Variants in DCAF11 observed in about 807,000 individuals in gnomAD.
The protein encoded by DCAF11 is DDB1 and CUL4 associated factor 11, also known as DDB1- and CUL4-associated factor 11.
A neutral mutation model predicts 76.1 loss-of-function variants in DCAF11; 44 were observed. That is an observed-to-expected ratio of 0.58 (90% CI 0.45 to 0.74). The LOEUF (loss-of-function observed/expected upper bound fraction) is 0.74. Among genes scored for constraint, DCAF11 ranks in the 30% least tolerant of loss-of-function variants. The pLI is 0.00. For missense variants in DCAF11, 604 were observed against 709.4 expected, an observed-to-expected ratio of 0.85 and a Z score of 1.69; for synonymous variants, 258 against 255.0, an observed-to-expected ratio of 1.01 and a Z score of -0.11.
In DCAF11 at chr14:24,114,807, G is replaced by A. The variant is rs2037501047; in HGVS notation, c.-700G>A. ...ACGTTTGCAGCCCGCCGGCCAGGAA[G>A]CCGCGAGATGCGTGACGAGCGAAGC... On this transcript the variant is annotated 5_prime_UTR_variant, in exon 1 of 15. Transcript: ENST00000446197. 3.0e-6 allele frequency: 3 copies of A among 985,864 alleles called. No individual in the cohort carries two copies. The South Asian group carries it at 1.4e-4, about 46-fold the overall frequency. The allele number at this position is 985,864 out of a possible 1,614,324, so 61.1% of individuals were successfully genotyped here.
In DCAF11 at chr14:24,123,153, C is replaced by G. The variant is rs1330138663; in HGVS notation, c.1507-22C>G. 4 of 1,613,766 alleles carry G rather than the reference C, an allele frequency of 2.5e-6. No individual in the cohort carries two copies. The African/African-American group carries it at 5.3e-5, about 22-fold the overall frequency. ...GGGTGGGGGCAGCACATCCTGACTG[C>G]TTGCCACCCTCTGCCCTGCAGTGGG... is the stretch of plus-strand genomic sequence containing the variant. On this transcript the variant is annotated intron_variant, in intron 14 of 14. Transcript: ENST00000446197.
At position 24,117,865 on chromosome 14, in the gene DCAF11, A is replaced by G; in HGVS notation, c.476+133A>G. The G allele has an allele frequency of 1.9e-6, 2 of 1,046,632 alleles. No individual in the cohort carries two copies. The highest frequency in any genetic ancestry group is 2.8e-6 in the Non-Finnish European group (2 of 712,148). 64.8% of individuals were successfully genotyped at this position (1,046,632 alleles called of 1,614,324 possible). A position where few individuals can be genotyped will look rare whatever the true frequency, so the allele number is the denominator to read the frequency against. Reference sequence around the variant, plus strand: ...TAAATGGGGTTGAAACTTTGAGAGTAAACAAAGTAGAAAAGTGTAGAAAAT... The same window carrying G: ...TAAATGGGGTTGAAACTTTGAGAGTGAACAAAGTAGAAAAGTGTAGAAAAT... On this transcript the variant is annotated intron_variant, in intron 5 of 14. Transcript: ENST00000446197. The surrounding 1 kb of genome is among the most constrained non-coding windows in gnomAD (Gnocchi z 4.3).
In DCAF11 at chr14:24,123,370, T is replaced by C. The variant is rs1217911150; in HGVS notation, c.*61T>C. Reference sequence around the variant, plus strand: ...GATAAGCTCTCTGCCTCCTCCTCCCTTTCTCCCTTGTGGGGAATGTTTGGA... The same window carrying C: ...GATAAGCTCTCTGCCTCCTCCTCCCCTTCTCCCTTGTGGGGAATGTTTGGA... On this transcript the variant is annotated 3_prime_UTR_variant, in exon 15 of 15. Coordinates refer to ENST00000446197, the MANE Select transcript of DCAF11 (RefSeq NM_025230.5). The C allele has an allele frequency of 6.7e-7, 1 of 1,497,536 alleles. No homozygotes were observed. The highest frequency in any genetic ancestry group is 2.3e-5 in the Admixed American group (1 of 42,840). 92.8% of individuals were successfully genotyped at this position (1,497,536 alleles called of 1,614,324 possible).
At chr14:24,122,501 A>G (rs891340096) in intron 13 of DCAF11, among the ~76,000 whole-genome samples, 12 of 151,642 alleles carry the variant, frequency 7.9e-5, no homozygotes, top group East Asian at 1.9e-4. Flanking sequence ...AAAAAAAAAA[A>G]AAAAAGAAAA....
In DCAF11 at chr14:24,121,474, C is replaced by T. The variant is rs372188342; in HGVS notation, c.1356C>T (p.Gly452=). The T allele has an allele frequency of 1.5e-5, 24 of 1,614,016 alleles. No homozygotes were observed. The highest frequency in any genetic ancestry group is 2.0e-5 in the Non-Finnish European group (24 of 1,180,042). ...RCRFSPIHST[G]QQFIYSGCST... ...GGTTCTCCCCCATTCATAGCACTGGCCAGCAGTTCATCTACAGTGGCTGCT... is the reference window on the plus strand; with the variant it reads ...GGTTCTCCCCCATTCATAGCACTGGTCAGCAGTTCATCTACAGTGGCTGCT... Residue 452 remains glycine (G), a synonymous_variant, in exon 13 of 15, where the codon GGC becomes GGT. Transcript: ENST00000446197.
intron 5 of DCAF11, 45 bp from the exon 6 acceptor site, chr14:24,118,010 T>A: frequency 7.3e-7 from 1 of 1,377,914 alleles, no homozygotes; most frequent in Non-Finnish European, 1.0e-6. Context: ...GGGACACTCC[T>A]TATCCTGAGC....
rs2139014850 is a variant in DCAF11, at chr14:24,118,084, A to T, written c.506A>T (p.Asp169Val). The T allele has an allele frequency of 6.2e-7, 1 of 1,612,428 alleles. No homozygotes were observed. Among genetic ancestry groups the T allele is most frequent in the Middle Eastern group, 1.7e-4 (1 of 6,052 alleles). ...TTGCCCAATGATCTGGGCTTCACTG[A>T]TAGCTACTCTCAGAAGGCTTTCTGT... ...HFLPNDLGFT[D>V]SYSQKAFCGI... The change falls in exon 6 of 15, where the codon GAT becomes GTT. Residue 169 changes from aspartate to valine, a missense_variant. Coordinates refer to ENST00000446197, the MANE Select transcript of DCAF11 (RefSeq NM_025230.5).
chr14:24,120,780 T>A, intron 11 of DCAF11, 58 bp from the exon 12 acceptor site: 4 of 1,597,788 alleles, frequency 2.5e-6, no homozygotes, highest in Non-Finnish European at 3.4e-6. Context: ...GGAACTAGAC[T>A]GACAGGCGCC....
chr14:24,120,582 TAAAAA>T (rs1163658008), intron 11 of DCAF11, among the ~76,000 whole-genome samples: 1 of 151,758 alleles, frequency 6.6e-6, no homozygotes, highest in Non-Finnish European at 1.5e-5. Context: ...AATTAAAAAT[TAAAAA>T]AAGAAAAATG....
At position 24,123,232 on chromosome 14, in the gene DCAF11, A is replaced by C; in HGVS notation, c.1564A>C (p.Met522Leu). Reference sequence around the variant, plus strand: ...CCAGGCTGAGTACTTCCAGGATGACATGCCAGAATCTGAGGAATGTGCCAG... The same window carrying C: ...CCAGGCTGAGTACTTCCAGGATGACCTGCCAGAATCTGAGGAATGTGCCAG... ...YRQAEYFQDD[M>L]PESEECASAP... The change falls in exon 15 of 15, where the codon ATG (methionine) becomes CTG (leucine). Residue 522 changes from methionine to leucine, a missense_variant. Physicochemically the swap from Met to Leu is conservative, Grantham distance 15. Coordinates refer to ENST00000446197, the MANE Select transcript of DCAF11 (RefSeq NM_025230.5). 1 of 1,579,492 alleles carries C rather than the reference A, an allele frequency of 6.3e-7. No homozygotes were observed. The highest frequency in any genetic ancestry group is 8.6e-7 in the Non-Finnish European group (1 of 1,161,078).
chr14:24,120,270 A>C (rs2037666484), intron 11 of DCAF11, among the ~76,000 whole-genome samples: 2 of 152,134 alleles, frequency 1.3e-5, no homozygotes, highest in Non-Finnish European at 2.9e-5. Context: ...AAAAAAAAAA[A>C]CTAAGGCCAG....
intron 13 of DCAF11, chr14:24,121,770 C>A: frequency 2.4e-6 from 1 of 418,242 alleles, no homozygotes; most frequent in Non-Finnish European, 4.3e-6. Flanking sequence ...TGTTTTTCAG[C>A]CAGTCAAGAA....
chr14:24,119,628 G>A lies in DCAF11; in HGVS notation c.906+12G>A. 1 of 1,614,202 alleles carries A rather than the reference G, an allele frequency of 6.2e-7. No individual in the cohort carries two copies. The highest frequency in any genetic ancestry group is 8.5e-7 in the Non-Finnish European group (1 of 1,180,036). Reference sequence around the variant, plus strand: ...GGCGCACCCTTCAGGTATGGCTCCTGAGATAGAGCCTCTGCCTCCTGGTTT... The same window carrying A: ...GGCGCACCCTTCAGGTATGGCTCCTAAGATAGAGCCTCTGCCTCCTGGTTT... On this transcript the variant is annotated intron_variant, in intron 10 of 14. Transcript: ENST00000446197.
At chr14:24,118,652 T>C in intron 7 of DCAF11, 98 bp from the exon 8 acceptor site, 2 of 1,593,474 alleles carry the variant, frequency 1.3e-6, no homozygotes, top group Non-Finnish European at 1.7e-6. Context: ...CCCAAAGTGC[T>C]CCAGTACCCT....
At position 24,118,128 on chromosome 14, in the gene DCAF11, G is replaced by A. The variant is rs1300034640; in HGVS notation, c.550G>A (p.Gly184Ser). Residue 184 changes from glycine (G) to serine (S), a missense_variant, in exon 6 of 15, where the codon GGT becomes AGT. Physicochemically the swap from Gly to Ser is moderately conservative, Grantham distance 56. Coordinates refer to ENST00000446197, the MANE Select transcript of DCAF11 (RefSeq NM_025230.5). ...KAFCGIYSKD[G>S]QIFMSACQDQ... ...TTTCTGTGGCATCTACAGCAAAGAT[G>A]GTCAAATATTCATGTCTGCTTGCCA... 6.2e-7 allele frequency: 1 copy of A among 1,613,050 alleles called. No individual in the cohort carries two copies. The highest frequency in any genetic ancestry group is 2.2e-5 in the East Asian group (1 of 44,892).
chr14:24,122,728 G>A, intron 13 of DCAF11, among the ~76,000 whole-genome samples: 1 of 152,242 alleles, frequency 6.6e-6, no homozygotes, highest in South Asian at 2.1e-4. Context: ...CTTAACTGTA[G>A]CCCCTATGAA....
chr14:24,118,021 A>T, intron 5 of DCAF11, 34 bp from the exon 6 acceptor site: 10 of 1,342,524 alleles, frequency 7.4e-6, no homozygotes, highest in Non-Finnish European at 1.1e-5. Flanking sequence ...TATCCTGAGC[A>T]CCCCTCACCC....
At chr14:24,115,847 G>C (rs189143877) in intron 2 of DCAF11, 98 bp downstream of exon 2, 1 of 1,441,598 alleles carries the variant, frequency 6.9e-7, no homozygotes, top group East Asian at 2.3e-5. Flanking sequence ...AATGGGATTC[G>C]CTCAGGACAG....
Position 24,119,764 on chromosome 14 carries a change from C to G in DCAF11, c.960C>G (p.Ser320=). The G allele has an allele frequency of 6.2e-7, 1 of 1,614,218 alleles. No individual in the cohort carries two copies. The highest frequency in any genetic ancestry group is 8.5e-7 in the Non-Finnish European group (1 of 1,180,044). Residue 320 remains serine, a synonymous_variant, in exon 11 of 15, where the codon TCC becomes TCG. Transcript: ENST00000446197. ...CAGTGGCCTTTGCTGATATAAGCTC[C>G]CAAATCCTGTTCTCTGGGGGAGATG... ...VNAVAFADIS[S]QILFSGGDDA...
Sources: allele counts gnomAD v4.1 joint callset (sites outside exome capture counted in the v4.1 genomes callset), GRCh38; gene constraint gnomAD v4.1.1; non-coding constraint Gnocchi (gnomAD v3.1); transcripts MANE v1.5; gene names NCBI Gene and HGNC (gene_info 2026-07-23, HGNC 2026-07-21).